Variants in UPF2 observed in about 807,000 individuals in gnomAD.
The protein encoded by UPF2 is UPF2 regulator of nonsense mediated mRNA decay, also known as regulator of nonsense transcripts 2.
A neutral mutation model predicts 141.4 loss-of-function variants in UPF2; 17 were observed. The ratio of observed to expected loss-of-function variants is 0.12; its 90% CI spans 0.08 to 0.18. The LOEUF (loss-of-function observed/expected upper bound fraction) is 0.18, where lower values mean the gene tolerates loss of function less well. Ranked by LOEUF, UPF2 falls within the 10% of genes least tolerant of loss-of-function variation. The probability of loss-of-function intolerance (pLI) is 1.00; values close to 1 mark genes in which losing one functional copy is unlikely to be tolerated. For missense variants in UPF2, 1,152 were observed against 1,515.9 expected, an observed-to-expected ratio of 0.76 and a Z score of 3.99; for synonymous variants, 540 against 498.0, an observed-to-expected ratio of 1.08 and a Z score of -1.12.
At chr10:12,001,617 G>C (rs1033558638) in intron 6 of UPF2, 59 bp downstream of exon 6, 2 of 1,460,472 alleles carry the variant, frequency 1.4e-6, no homozygotes, top group African/African-American at 2.8e-5. Context: ...ATATTCTTAG[G>C]CAAGAGCTCT....
intron 15 of UPF2, among the ~76,000 whole-genome samples, chr10:11,951,190 G>A (rs1428121590): frequency 6.6e-6 from 1 of 152,116 alleles, no homozygotes; most frequent in Non-Finnish European, 1.5e-5. Context: ...AGCCTCCTGA[G>A]TAGCTGGGAT....
In UPF2 at chr10:12,014,421, A is replaced by G. The variant is rs1834183605; in HGVS notation, c.1146-237T>C. On this transcript the variant is annotated intron_variant, in intron 3 of 21. Transcript: ENST00000357604. This position sits in a 1 kb window ranked among gnomAD's most constrained non-coding sequence, Gnocchi z 5.0. ...AAGAATATGCAGCATGCTTGCTGAA[A>G]TACAATATTTAACAATATACATCTA... Among the ~76,000 whole-genome samples, 1 of 152,224 alleles carries G rather than the reference A, an allele frequency of 6.6e-6. No individual in the cohort carries two copies. Among genetic ancestry groups the G allele is most frequent in the Non-Finnish European group, 1.5e-5 (1 of 68,040 alleles).
chr10:12,042,445 C>T lies in UPF2; in HGVS notation c.-19+310G>A, dbSNP rs1176414569. On this transcript the variant is annotated intron_variant, in intron 1 of 21. Coordinates refer to ENST00000357604, the MANE Select transcript of UPF2 (RefSeq NM_015542.4). The surrounding 1 kb of genome is among the most constrained non-coding windows in gnomAD (Gnocchi z 5.5). Reference sequence around the variant, plus strand: ...CCTCCACGCCCCCGAACACTTTCGCCCCTCCACCGCGGGCTCCCCGCCTCC... The same window carrying T: ...CCTCCACGCCCCCGAACACTTTCGCTCCTCCACCGCGGGCTCCCCGCCTCC... Among the ~76,000 whole-genome samples the T allele has an allele frequency of 6.6e-6, 1 of 152,202 alleles. No homozygotes were observed. The highest frequency in any genetic ancestry group is 2.4e-5 in the African/African-American group (1 of 41,466).
At chr10:11,969,524 G>A (rs566752975) in intron 9 of UPF2, among the ~76,000 whole-genome samples, 3 of 151,846 alleles carry the variant, frequency 2.0e-5, no homozygotes, top group Admixed American at 6.6e-5. Flanking sequence ...TGCAATTAGC[G>A]ACAAATATAA....
chr10:12,015,086 A>G (rs577058831), intron 3 of UPF2, among the ~76,000 whole-genome samples: 1 of 152,384 alleles, frequency 6.6e-6, no homozygotes, highest in East Asian at 1.9e-4. Context: ...AATTTTTTAC[A>G]TACAAAATAT....
At chr10:12,004,802 T>G (rs1588564277) in intron 4 of UPF2, 75 bp from the exon 5 acceptor site, 1 of 1,453,748 alleles carries the variant, frequency 6.9e-7, no homozygotes, top group Non-Finnish European at 9.4e-7. Flanking sequence ...AAGTTATTTT[T>G]TCAGTTTTAC....
In UPF2 at chr10:11,920,802, T is replaced by C. The variant is rs1363664161; in HGVS notation, c.*496A>G. The C allele has an allele frequency of 3.5e-6, 1 of 287,842 alleles. No homozygotes were observed. Among genetic ancestry groups the C allele is most frequent in the African/African-American group, 2.2e-5 (1 of 45,708 alleles). The allele number at this position is 287,842 out of a possible 1,614,324, so 17.8% of individuals were successfully genotyped here. On this transcript the variant is annotated 3_prime_UTR_variant, in exon 22 of 22. Transcript: ENST00000357604. ...CTGCATGTAAGTTTTACTAGAAGAT[T>C]TTCCTGCTTGCTCTATACTTTTCTA...
intron 3 of UPF2, among the ~76,000 whole-genome samples, chr10:12,021,368 A>C (rs1417204240): frequency 2.9e-5 from 3 of 103,532 alleles, no homozygotes; most frequent in Non-Finnish European, 4.7e-5. Context: ...AGTCTCTACA[A>C]AAAAAAAAAA....
chr10:11,984,380 T>G (rs575451106), intron 8 of UPF2, among the ~76,000 whole-genome samples: 6 of 152,332 alleles, frequency 3.9e-5, no homozygotes. Context: ...GCTCATTTCT[T>G]AAACTTTTTA....
intron 16 of UPF2, among the ~76,000 whole-genome samples, chr10:11,947,129 G>A (rs1269869720): frequency 2.0e-5 from 3 of 152,272 alleles, no homozygotes; most frequent in African/African-American, 7.2e-5. Context: ...TTGAACTACG[G>A]AGGTGGAGAC....
intron 16 of UPF2, among the ~76,000 whole-genome samples, chr10:11,947,878 A>G (rs1833023195): frequency 1.3e-5 from 2 of 151,766 alleles, no homozygotes; most frequent in Admixed American, 1.3e-4. Context: ...GTATTTTATT[A>G]CTTTCTTTAA....
Position 11,959,270 on chromosome 10 carries a change from T to G in UPF2, c.2271A>C (p.Pro757=). The change falls in exon 12 of 22, where the codon CCA becomes CCC. Residue 757 remains proline, a synonymous_variant. Coordinates refer to ENST00000357604, the MANE Select transcript of UPF2 (RefSeq NM_015542.4). This position sits in a 1 kb window ranked among gnomAD's most constrained non-coding sequence, Gnocchi z 5.9. ...TTTTCACGGTTTTTTCAGCTGGAGG[T>G]GGGTTGCAGTAGTAATATGCATTCT... ...MVENAYYYCN[P]PPAEKTVKKK... 1 of 1,612,962 alleles carries G rather than the reference T, an allele frequency of 6.2e-7. No homozygotes were observed. The highest frequency in any genetic ancestry group is 8.5e-7 in the Non-Finnish European group (1 of 1,179,652).
chr10:11,968,857 T>C (rs1588542686), intron 9 of UPF2, among the ~76,000 whole-genome samples: 1 of 152,208 alleles, frequency 6.6e-6, no homozygotes, highest in Non-Finnish European at 1.5e-5. Flanking sequence ...TGAATTAGTT[T>C]AGCACTTTCT....
In UPF2 at chr10:12,029,850, T is replaced by A. The variant is rs189758752; in HGVS notation, c.366-326A>T. Among the ~76,000 whole-genome samples the A allele has an allele frequency of 7.3e-5, 11 of 151,410 alleles. No homozygotes were observed. In the East Asian group the frequency reaches 2.1e-3, roughly 29 times the overall value. On this transcript the variant is annotated intron_variant, in intron 2 of 21. Coordinates refer to ENST00000357604, the MANE Select transcript of UPF2 (RefSeq NM_015542.4). ...GATGGCGCTCACCTGTAGTCCCAGC[T>A]ATTCAGGAGGCTGAGGCACAACACT...
At chr10:11,994,734 T>C (rs1363199804) in intron 8 of UPF2, among the ~76,000 whole-genome samples, 1 of 152,022 alleles carries the variant, frequency 6.6e-6, no homozygotes, top group African/African-American at 2.4e-5. Context: ...CCCAGCACTT[T>C]GGGAGGCCGA....
In UPF2 at chr10:11,920,419, G is replaced by A. The variant is rs1017686713; in HGVS notation, c.*879C>T. ...TTCCATACTTTGTTTAGAGACAGAG[G>A]CTGTAAACCCATGAAGGTCAACAAA... On this transcript the variant is annotated 3_prime_UTR_variant, in exon 22 of 22. Coordinates refer to ENST00000357604, the MANE Select transcript of UPF2 (RefSeq NM_015542.4). 4 of 152,216 alleles carry A rather than the reference G, an allele frequency of 2.6e-5. No individual in the cohort carries two copies. Among genetic ancestry groups the A allele is most frequent in the African/African-American group, 9.7e-5 (4 of 41,404 alleles). 9.4% of individuals were successfully genotyped at this position (152,216 alleles called of 1,614,324 possible).
intron 8 of UPF2, among the ~76,000 whole-genome samples, chr10:11,987,996 T>G (rs1209637400): frequency 6.6e-6 from 1 of 152,152 alleles, no homozygotes; most frequent in African/African-American, 2.4e-5. Context: ...GAGAAAATAC[T>G]TCCAAATTAT....
In UPF2 at chr10:12,015,617, G is replaced by A. The variant is rs548424413; in HGVS notation, c.1146-1433C>T. On this transcript the variant is annotated intron_variant, in intron 3 of 21. Coordinates refer to ENST00000357604, the MANE Select transcript of UPF2 (RefSeq NM_015542.4). ...CTCAGGAGGCCGAGGCAGAAGAATC[G>A]CTTGAACCTGGGAGGCGGAGGTTGC... 7.9e-4 allele frequency among the ~76,000 whole-genome samples: 120 copies of A among 152,264 alleles called. 1 individual carries two copies. Among genetic ancestry groups the A allele is most frequent in the African/African-American group, 2.8e-3 (116 of 41,556 alleles).
At chr10:12,003,459 C>T (rs1327038933) in intron 5 of UPF2, among the ~76,000 whole-genome samples, 1 of 152,024 alleles carries the variant, frequency 6.6e-6, no homozygotes, top group Non-Finnish European at 1.5e-5. Context: ...AGAAGATGGG[C>T]CCATTTCAGA....
Sources: allele counts gnomAD v4.1 joint callset (sites outside exome capture counted in the v4.1 genomes callset), GRCh38; gene constraint gnomAD v4.1.1; non-coding constraint Gnocchi (gnomAD v3.1); transcripts MANE v1.5; gene names NCBI Gene and HGNC (gene_info 2026-07-23, HGNC 2026-07-21).